F8: variants seen among roughly 807,000 people sequenced by gnomAD.
The protein encoded by F8 is antihemophilic factor.
F8 carries 12 observed loss-of-function variants against 140.6 expected under a neutral mutation model. The observed-to-expected ratio is 0.09, with a 90% CI of 0.05 to 0.14. The LOEUF is 0.14. Ranked by LOEUF, F8 falls within the 10% of genes least tolerant of loss-of-function variation. The probability of loss-of-function intolerance (pLI) is 1.00; values close to 1 mark genes in which losing one functional copy is unlikely to be tolerated. For synonymous variants in F8, 585 were observed against 614.6 expected (o/e 0.95, Z 0.71); for missense variants, 1,354 against 1,720.7 (o/e 0.79, Z 3.77).
intron 4 of F8, among the ~76,000 whole-genome samples, chrX:154,991,207 C>T (rs910871231): frequency 4.5e-5 from 5 of 112,091 alleles, no homozygotes; most frequent in Non-Finnish European, 9.4e-5. Flanking sequence ...GGGGATTTCC[C>T]CTCCCACGCT....
intron 6 of F8, among the ~76,000 whole-genome samples, chrX:154,973,986 T>C (rs1419305159): frequency 9.1e-6 from 1 of 110,419 alleles, no homozygotes; most frequent in Non-Finnish European, 1.9e-5. Context: ...TGTGTGTGTG[T>C]GTGTGTATTT....
chrX:154,968,876 A>G (rs2073439198), intron 7 of F8, among the ~76,000 whole-genome samples: 1 of 110,386 alleles, frequency 9.1e-6, no homozygotes, highest in African/African-American at 3.3e-5. Context: ...GGGCATTACT[A>G]ATGATATAGT....
At position 154,930,111 on chromosome X, in the gene F8, T is replaced by C; in HGVS notation, c.3679A>G (p.Asn1227Asp). The change falls in exon 14 of 26, where the codon AAT (asparagine) becomes GAT (aspartate). Residue 1227 changes from asparagine (N) to aspartate (D), a missense_variant. Physicochemically the swap from Asn to Asp is conservative, Grantham distance 23. Around this residue, in one of 4 missense-constraint regions of F8, gnomAD observed 658 missense variants for 666.5 expected, o/e 0.99. Transcript: ENST00000360256. ...GTATGTATCTGAGGCAAAACTACAT[T>C]CTCTTGGATTAATGTTTCCTTCTTT... is the stretch of plus-strand genomic sequence containing the variant. ...IEKKETLIQE[N>D]VVLPQIHTVT... The C allele has an allele frequency of 3.3e-6, 4 of 1,210,077 alleles. No homozygotes were observed. The highest frequency in any genetic ancestry group is 4.5e-6 in the Non-Finnish European group (4 of 894,550).
At chrX:154,992,818 C>T (rs1405035558) in intron 4 of F8, 118 bp downstream of exon 4, 8 of 650,084 alleles carry the variant, frequency 1.2e-5, no homozygotes, top group African/African-American at 1.1e-4. Context: ...GAGCATGATG[C>T]TAGAGTAAAA....
intron 14 of F8, among the ~76,000 whole-genome samples, chrX:154,922,163 T>C (rs1436805806): frequency 8.9e-6 from 1 of 112,493 alleles, no homozygotes; most frequent in African/African-American, 3.2e-5. Flanking sequence ...CATCCTTCCA[T>C]TTCTTTCCAT....
At chrX:154,984,850 A>C in intron 5 of F8, 47 bp from the exon 6 acceptor site, 24 of 981,776 alleles carry the variant, frequency 2.4e-5, no homozygotes, top group Non-Finnish European at 3.2e-5. Flanking sequence ...CATGTGTCTC[A>C]TGAATGACCG....
intron 10 of F8, 42 bp from the exon 11 acceptor site, chrX:154,957,213 A>C: frequency 1.0e-6 from 1 of 984,486 alleles, no homozygotes; most frequent in Non-Finnish European, 1.4e-6. Flanking sequence ...TTAGAGTACA[A>C]CAAGCCACAT....
chrX:154,894,217 G>A (rs1246602440), intron 22 of F8, among the ~76,000 whole-genome samples: 1 of 112,515 alleles, frequency 8.9e-6, no homozygotes, highest in Non-Finnish European at 1.9e-5. Flanking sequence ...TGACCATCTT[G>A]GGCACATGTT....
chrX:154,859,029 T>C (rs1277208333), intron 25 of F8, among the ~76,000 whole-genome samples: 7 of 112,117 alleles, frequency 6.2e-5, no homozygotes, highest in Admixed American at 1.9e-4. Flanking sequence ...TCCAATTAGT[T>C]GAAGGCCTGA....
At chrX:155,017,868 C>CT (rs1188824237) in intron 1 of F8, among the ~76,000 whole-genome samples, 7 of 110,469 alleles carry the variant, frequency 6.3e-5, no homozygotes, top group Admixed American at 9.7e-5. Flanking sequence ...AGAGATACTG[C>CT]TTTTTTTTAT....
At chrX:155,013,387 T>C (rs976998688) in intron 1 of F8, among the ~76,000 whole-genome samples, 4 of 110,829 alleles carry the variant, frequency 3.6e-5, no homozygotes, top group Admixed American at 9.6e-5. Context: ...TGCTCTCTTG[T>C]CTGCCACCAT....
intron 1 of F8, among the ~76,000 whole-genome samples, chrX:155,006,806 G>A (rs1249309080): frequency 7.2e-5 from 2 of 27,869 alleles, no homozygotes; most frequent in Non-Finnish European, 1.4e-4. Context: ...AATGAAAACT[G>A]TTGGACACAC....
intron 6 of F8, among the ~76,000 whole-genome samples, chrX:154,979,831 T>C (rs1373693836): frequency 1.8e-5 from 2 of 111,570 alleles, no homozygotes; most frequent in Non-Finnish European, 3.8e-5. Context: ...CTTGGGAGAA[T>C]TGCAGAATCC....
chrX:154,875,441 T>C (rs978293402), intron 22 of F8, among the ~76,000 whole-genome samples: 1 of 112,135 alleles, frequency 8.9e-6, no homozygotes, highest in African/African-American at 3.2e-5. Context: ...CATTTCACAA[T>C]GTATCAAACA....
chrX:154,875,183 G>A (rs1305353234), intron 22 of F8, among the ~76,000 whole-genome samples: 3 of 111,877 alleles, frequency 2.7e-5, no homozygotes, highest in African/African-American at 9.8e-5. Context: ...CATAAAAGCA[G>A]ACAGTAGAAT....
intron 25 of F8, among the ~76,000 whole-genome samples, chrX:154,848,915 G>A (rs1204756872): frequency 9.0e-6 from 1 of 111,344 alleles, no homozygotes; most frequent in Non-Finnish European, 1.9e-5. Context: ...GTTCCTATTC[G>A]GCCATGTTGG....
intron 25 of F8, among the ~76,000 whole-genome samples, chrX:154,847,725 G>C (rs1264614376): frequency 8.9e-6 from 1 of 112,121 alleles, no homozygotes; most frequent in Non-Finnish European, 1.9e-5. Context: ...TTTGTGATGG[G>C]TTCGAACTTC....
rs1557274896 is a variant in F8, at chrX:154,888,408, C to CTTTTTTTTTTTTTTTT, written c.6429+7668_6429+7669insAAAAAAAAAAAAAAAA. Among the ~76,000 whole-genome samples the CTTTTTTTTTTTTTTTT allele has an allele frequency of 1.7e-3, 89 of 53,276 alleles. 3 individuals carry two copies. The highest frequency in any genetic ancestry group is 2.1e-3 in the Non-Finnish European group (68 of 31,756). 46.3% of individuals were successfully genotyped at this position (53,276 alleles called of 115,157 possible). On this transcript the variant is annotated intron_variant, in intron 22 of 25. Coordinates refer to ENST00000360256, the MANE Select transcript of F8 (RefSeq NM_000132.4). ...TTTTTTTTTTTTTTTTTTTTTTTTCCCCCCGAGATGGAGTCTCACTCTGTC... is the reference window on the plus strand; with the variant it reads ...TTTTTTTTTTTTTTTTTTTTTTTTCCTTTTTTTTTTTTTTTTCCCCGAGATGGAGTCTCACTCTGTC...
chrX:154,997,803 G>A (rs1160273874), intron 2 of F8, among the ~76,000 whole-genome samples: 1 of 111,575 alleles, frequency 9.0e-6, no homozygotes, highest in Non-Finnish European at 1.9e-5. Context: ...AAGAAGACTT[G>A]GAACTTGTTT....
Sources: gnomAD v4.1 joint callset for allele counts (sites outside exome capture counted in the v4.1 genomes callset) on GRCh38, gnomAD v4.1.1 for gene constraint, gnomAD v4.1.1 regional missense constraint, MANE v1.5 for transcripts, NCBI Gene and HGNC (gene_info 2026-07-23, HGNC 2026-07-21) for gene names.